BLTP3B: variants seen among roughly 807,000 people sequenced by gnomAD.
BLTP3B encodes UHRF1 (ICBP90) binding protein 1-like.
the BLTP3B span, among the ~76,000 whole-genome samples, chr12:100,090,031 C>T: frequency 6.6e-6 from 1 of 152,152 alleles, no homozygotes; most frequent in Admixed American, 6.6e-5. Flanking sequence ...ATCCTCCTTG[C>T]CTTTCACCAC....
At chr12:100,079,297 T>C in the BLTP3B span, among the ~76,000 whole-genome samples, 1 of 152,174 alleles carries the variant, frequency 6.6e-6, no homozygotes, top group South Asian at 2.1e-4. Flanking sequence ...TTCCTGAGAC[T>C]TGTTGAATGG....
the BLTP3B span, chr12:100,084,665 A>G: frequency 6.5e-5 from 105 of 1,610,568 alleles, no homozygotes; most frequent in African/African-American, 5.7e-4. Context: ...TCTCCTGTAA[A>G]ATGAACAACA....
chr12:100,064,164 T>C, the BLTP3B span, among the ~76,000 whole-genome samples: 3 of 152,046 alleles, frequency 2.0e-5, no homozygotes, highest in East Asian at 1.9e-4. Context: ...AGCAATAGAA[T>C]TGAACAAGTA....
chr12:100,120,416 T>G, the BLTP3B span, among the ~76,000 whole-genome samples: 628 of 151,882 alleles, frequency 4.1e-3, 2 homozygotes, highest in African/African-American at 0.015. Context: ...AGGCAAAAGA[T>G]TTAAAGGGAC....
the BLTP3B span, chr12:100,092,676 A>G: frequency 1.3e-5 from 2 of 154,664 alleles, no homozygotes; most frequent in East Asian, 3.8e-4. Context: ...ATTCCATTTT[A>G]TATAAACATA....
At chr12:100,140,212 G>A in the BLTP3B span, among the ~76,000 whole-genome samples, 7 of 151,846 alleles carry the variant, frequency 4.6e-5, no homozygotes, top group African/African-American at 1.7e-4. Context: ...TTTTTCTTAG[G>A]AGATGACAGC....
the BLTP3B span, among the ~76,000 whole-genome samples, chr12:100,049,227 T>G: frequency 0.021 from 3,164 of 152,132 alleles, 115 homozygotes; most frequent in African/African-American, 0.072. Context: ...ATATGATCAG[T>G]TTTGCAACTC....
chr12:100,111,586 G>T, the BLTP3B span, among the ~76,000 whole-genome samples: 1 of 150,468 alleles, frequency 6.6e-6, no homozygotes, highest in Non-Finnish European at 1.5e-5. Context: ...TGCTCAGCTA[G>T]TTTTTTGTTT....
the BLTP3B span, among the ~76,000 whole-genome samples, chr12:100,083,482 G>A: frequency 6.6e-6 from 1 of 152,124 alleles, no homozygotes; most frequent in African/African-American, 2.4e-5. Flanking sequence ...CAAAGGTATA[G>A]CTAGATAGGA....
chr12:100,065,290 A>G, the BLTP3B span, among the ~76,000 whole-genome samples: 2 of 151,978 alleles, frequency 1.3e-5, no homozygotes, highest in Non-Finnish European at 2.9e-5. Context: ...ACAATATGAA[A>G]TCAGTGCACC....
chr12:100,142,768 AGGCCCC>A, the BLTP3B span: 2 of 1,361,776 alleles, frequency 1.5e-6, no homozygotes, highest in Non-Finnish European at 2.0e-6. Context: ...GAGAGACCCA[AGGCCCC>A]GGCCAAGGCC....
At chr12:100,087,554 C>G in the BLTP3B span, among the ~76,000 whole-genome samples, 1 of 152,032 alleles carries the variant, frequency 6.6e-6, no homozygotes. Flanking sequence ...TGAGGCAGCA[C>G]TAATAAAAAT....
At chr12:100,046,340 T>A in the BLTP3B span, among the ~76,000 whole-genome samples, 1 of 152,062 alleles carries the variant, frequency 6.6e-6, no homozygotes, top group East Asian at 1.9e-4. Flanking sequence ...TGTCCATTAA[T>A]AATAGACTGG....
At chr12:100,119,729 C>T in the BLTP3B span, among the ~76,000 whole-genome samples, 1 of 151,748 alleles carries the variant, frequency 6.6e-6, no homozygotes, top group Admixed American at 6.6e-5. Flanking sequence ...ATGTTACAGC[C>T]ATATGCAAAA....
the BLTP3B span, among the ~76,000 whole-genome samples, chr12:100,116,448 CAAAAAAAAAA>C: frequency 1.8e-5 from 1 of 56,002 alleles, no homozygotes; most frequent in African/African-American, 6.1e-5. Flanking sequence ...GATCCTGTCT[CAAAAAAAAAA>C]AAAAAAAAGA....
the BLTP3B span, chr12:100,047,454 G>C: frequency 9.4e-7 from 1 of 1,065,026 alleles, no homozygotes. Context: ...GGCTGAGATC[G>C]TGCCATTGCA....
At chr12:100,122,392 C>T in the BLTP3B span, among the ~76,000 whole-genome samples, 17 of 152,156 alleles carry the variant, frequency 1.1e-4, no homozygotes, top group Non-Finnish European at 2.1e-4. Context: ...AGAGCCCAGA[C>T]TATAATCAAA....
chr12:100,082,624 C>T, the BLTP3B span, among the ~76,000 whole-genome samples: 1 of 152,200 alleles, frequency 6.6e-6, no homozygotes, highest in Non-Finnish European at 1.5e-5. Flanking sequence ...AACCAGTTAT[C>T]CCAGCAACAT....
At chr12:100,139,656 T>TA in the BLTP3B span, among the ~76,000 whole-genome samples, 164 of 151,994 alleles carry the variant, frequency 1.1e-3, no homozygotes, top group Middle Eastern at 3.4e-3. Flanking sequence ...CTTGCCTCAG[T>TA]AAAAAAAAGC....
Sources: gnomAD v4.1 joint callset for allele counts (sites outside exome capture counted in the v4.1 genomes callset) on GRCh38, gnomAD v4.1.1 for gene constraint, MANE v1.5 for transcripts, NCBI Gene and HGNC (gene_info 2026-07-23, HGNC 2026-07-21) for gene names.